Variants in GRIN2B observed in about 807,000 individuals in gnomAD.
GRIN2B encodes the protein glutamate receptor ionotropic, NMDA 2B.
Under a neutral mutation model 114.5 loss-of-function variants are expected in GRIN2B, and 5 were observed. The observed-to-expected ratio is 0.04, with a 90% confidence interval of 0.02 to 0.09. The LOEUF is 0.09. GRIN2B is among the 10% of genes least tolerant of loss of function. The pLI, the probability that GRIN2B is intolerant of heterozygous loss-of-function variation, is 1.00. For missense variants in GRIN2B, 1,108 were observed against 1,943.5 expected, an observed-to-expected ratio of 0.57 and a Z score of 8.08; for synonymous variants, 787 against 745.1, an observed-to-expected ratio of 1.06 and a Z score of -0.92.
intron 3 of GRIN2B, among the ~76,000 whole-genome samples, chr12:13,766,620 G>T (rs2136641600): frequency 6.6e-6 from 1 of 152,152 alleles, no homozygotes; most frequent in East Asian, 1.9e-4. Flanking sequence ...CTTTTTCCAT[G>T]ATCTACCCAG....
chr12:13,659,525 T>C lies in GRIN2B; in HGVS notation c.1125+16220A>G, dbSNP rs368055675. ...ACATTTCATGGCTTCCGATTGCTTC[T>C]TGAGTTAATTCAAACTATCTTTGCT... On this transcript the variant is annotated intron_variant, in intron 5 of 13. Transcript: ENST00000609686. 1.0e-3 allele frequency among the ~76,000 whole-genome samples: 153 copies of C among 152,314 alleles called. 2 individuals carry two copies. In the South Asian group the frequency reaches 0.014, roughly 14 times the overall value.
intron 2 of GRIN2B, among the ~76,000 whole-genome samples, chr12:13,944,689 A>T (rs145364346): frequency 6.6e-6 from 1 of 152,360 alleles, no homozygotes; most frequent in Non-Finnish European, 1.5e-5. Context: ...GCCCAAGGCC[A>T]TGAAGTTAGT....
At chr12:13,873,111 T>C (rs1289610387) in intron 2 of GRIN2B, among the ~76,000 whole-genome samples, 1 of 152,238 alleles carries the variant, frequency 6.6e-6, no homozygotes, top group Non-Finnish European at 1.5e-5. Flanking sequence ...GACTCAATTC[T>C]GCAGAACAGA....
At chr12:13,832,008 G>T (rs1262322856) in intron 3 of GRIN2B, among the ~76,000 whole-genome samples, 6 of 152,144 alleles carry the variant, frequency 3.9e-5, no homozygotes, top group Admixed American at 2.6e-4. Context: ...GGTGGTGAAG[G>T]GCAGTGGGGG....
At chr12:13,635,607 T>C (rs1003874745) in intron 5 of GRIN2B, among the ~76,000 whole-genome samples, 2 of 152,204 alleles carry the variant, frequency 1.3e-5, no homozygotes, top group African/African-American at 2.4e-5. Context: ...AAAGGTAGAG[T>C]ACAAGCACAG....
At chr12:13,679,972 G>C (rs574808246) in intron 4 of GRIN2B, among the ~76,000 whole-genome samples, 2 of 152,142 alleles carry the variant, frequency 1.3e-5, no homozygotes, top group South Asian at 2.1e-4. Context: ...TTATTTAATA[G>C]GAAAAATTCA....
At chr12:13,577,025 C>T (rs949271311) in intron 10 of GRIN2B, among the ~76,000 whole-genome samples, 3 of 152,172 alleles carry the variant, frequency 2.0e-5, no homozygotes, top group Non-Finnish European at 4.4e-5. Flanking sequence ...GAGATCAAGT[C>T]GTTCCAGTAG....
rs901729579 is a variant in GRIN2B, at chr12:13,545,123, G to A, written c.*17660C>T. ...CTTCCTCAAGTTTGCCAAGCATTTG[G>A]TTTGACAGCAGGGCCTTTGCAATTG... On this transcript the variant is annotated 3_prime_UTR_variant, in exon 14 of 14. Coordinates refer to ENST00000609686, the MANE Select transcript of GRIN2B (RefSeq NM_000834.5). The A allele has an allele frequency of 2.0e-5, 3 of 152,148 alleles. No individual in the cohort carries two copies. The highest frequency in any genetic ancestry group is 7.2e-5 in the African/African-American group (3 of 41,408). The allele number at this position is 152,148 out of a possible 1,614,324, so 9.4% of individuals were successfully genotyped here.
chr12:13,582,876 C>A (rs80335299), intron 10 of GRIN2B, among the ~76,000 whole-genome samples: 1 of 152,046 alleles, frequency 6.6e-6, no homozygotes, highest in African/African-American at 2.4e-5. Context: ...TTCCTCGCAA[C>A]GATGGTTTTA....
intron 10 of GRIN2B, among the ~76,000 whole-genome samples, chr12:13,592,282 C>G (rs1472619036): frequency 6.6e-6 from 1 of 152,174 alleles, no homozygotes; most frequent in African/African-American, 2.4e-5. Context: ...AAGTGGCTAA[C>G]AAGCTATTGT....
In GRIN2B at chr12:13,553,601, C is replaced by A. The variant is rs1948443801; in HGVS notation, c.*9182G>T. ...AAATACAGTGGTCCTGTTGGACCACCACCTGGGGTCTACAAGGCTGTGTGA... is the reference window on the plus strand; with the variant it reads ...AAATACAGTGGTCCTGTTGGACCACAACCTGGGGTCTACAAGGCTGTGTGA... On this transcript the variant is annotated 3_prime_UTR_variant, in exon 14 of 14. Coordinates refer to ENST00000609686, the MANE Select transcript of GRIN2B (RefSeq NM_000834.5). 6.6e-6 allele frequency: 1 copy of A among 152,168 alleles called. No individual in the cohort carries two copies. The highest frequency in any genetic ancestry group is 2.4e-5 in the African/African-American group (1 of 41,446). 9.4% of individuals were successfully genotyped at this position (152,168 alleles called of 1,614,324 possible). A position where few individuals can be genotyped will look rare whatever the true frequency, so the allele number is the denominator to read the frequency against.
In GRIN2B at chr12:13,865,839, G is replaced by A. The variant is rs780865592; in HGVS notation, c.370C>T (p.Leu124=). ...ATAGAGGAGCCCCCGTGGATGCCCA[G>A]GATGGGGGTGAGAGTCTGTGCTGAA... ...FISAQTLTPI[L]GIHGGSSMIM... Residue 124 remains leucine (L), a synonymous_variant, in exon 3 of 14, where the codon CTG becomes TTG. Coordinates refer to ENST00000609686, the MANE Select transcript of GRIN2B (RefSeq NM_000834.5). 1.9e-6 allele frequency: 3 copies of A among 1,614,034 alleles called. No homozygotes were observed. The Admixed American group carries it at 5.0e-5, about 27-fold the overall frequency.
At position 13,642,660 on chromosome 12, in the gene GRIN2B, G is replaced by T. The variant is rs528015408; in HGVS notation, c.1126-26003C>A. Among the ~76,000 whole-genome samples the T allele has an allele frequency of 2.0e-5, 3 of 152,282 alleles. No individual in the cohort carries two copies. The South Asian group carries it at 6.2e-4, about 32-fold the overall frequency. Reference sequence around the variant, plus strand: ...TGCCTAGAATTCATTTGCCAAAAATGCATGTTTATTTGCTTATGCATTCCT... The same window carrying T: ...TGCCTAGAATTCATTTGCCAAAAATTCATGTTTATTTGCTTATGCATTCCT... On this transcript the variant is annotated intron_variant, in intron 5 of 13. Coordinates refer to ENST00000609686, the MANE Select transcript of GRIN2B (RefSeq NM_000834.5).
chr12:13,826,819 G>A (rs1591754121), intron 3 of GRIN2B, among the ~76,000 whole-genome samples: 1 of 151,722 alleles, frequency 6.6e-6, no homozygotes, highest in Non-Finnish European at 1.5e-5. Flanking sequence ...AATCCATTTT[G>A]TAGTTCTAAG....
At chr12:13,976,632 T>C (rs1177350945) in intron 2 of GRIN2B, among the ~76,000 whole-genome samples, 1 of 152,204 alleles carries the variant, frequency 6.6e-6, no homozygotes, top group African/African-American at 2.4e-5. Flanking sequence ...TTATGATTTC[T>C]TCCCATACAA....
At chr12:13,775,140 C>A (rs73053658) in intron 3 of GRIN2B, among the ~76,000 whole-genome samples, 110 of 152,136 alleles carry the variant, frequency 7.2e-4, no homozygotes, top group Non-Finnish European at 1.4e-3. Context: ...GCTGTCCCTT[C>A]GGCAGATATC....
intron 3 of GRIN2B, among the ~76,000 whole-genome samples, chr12:13,783,825 G>GATT (rs937487755): frequency 4.6e-5 from 7 of 152,228 alleles, no homozygotes. Flanking sequence ...ACTTGGTGTA[G>GATT]ATTAGCTGAG....
chr12:13,876,146 A>C (rs1470421259), intron 2 of GRIN2B, among the ~76,000 whole-genome samples: 1 of 152,190 alleles, frequency 6.6e-6, no homozygotes, highest in Non-Finnish European at 1.5e-5. Flanking sequence ...CTTTTGAAGA[A>C]AGCAAGGCCC....
intron 10 of GRIN2B, among the ~76,000 whole-genome samples, chr12:13,593,419 A>G (rs1365132038): frequency 6.6e-6 from 1 of 152,242 alleles, no homozygotes; most frequent in Non-Finnish European, 1.5e-5. Context: ...ATATTTGACA[A>G]ACCTGACAAA....
Sources: gnomAD v4.1 joint callset for allele counts (sites outside exome capture counted in the v4.1 genomes callset) on GRCh38, gnomAD v4.1.1 for gene constraint, MANE v1.5 for transcripts, NCBI Gene and HGNC (gene_info 2026-07-23, HGNC 2026-07-21) for gene names.